The following ANK1 variants were observed in gnomAD, a reference collection of about 807,000 sequenced individuals.
The protein encoded by ANK1 is ankyrin 1, also known as ankyrin-1.
Under a neutral mutation model 210.4 loss-of-function variants are expected in ANK1, and 51 were observed. The observed-to-expected ratio is 0.24, with a 90% CI of 0.19 to 0.31. The LOEUF (loss-of-function observed/expected upper bound fraction) is 0.31, where lower values mean the gene tolerates loss of function less well. ANK1 is among the 10% of genes least tolerant of loss of function. ANK1 has a pLI of 1.00. For synonymous variants in ANK1, 967 were observed against 1,025.9 expected (o/e 0.94, Z 1.10); for missense variants, 2,051 against 2,504.4 (o/e 0.82, Z 3.86).
At chr8:41,673,038 G>T (rs965613503) in intron 37 of ANK1, 126 bp from the exon 38 acceptor site, 5 of 1,023,998 alleles carry the variant, frequency 4.9e-6, no homozygotes, top group Non-Finnish European at 7.2e-6. Context: ...ATGCACATTC[G>T]GGGTGGGTTG....
intron 39 of ANK1, chr8:41,665,525 T>C (rs1234549655): frequency 3.0e-6 from 1 of 334,490 alleles, no homozygotes; most frequent in Non-Finnish European, 5.9e-6. Context: ...CCAGGGAAAG[T>C]TTCTTACTTT....
chr8:41,748,313 G>C (rs940706364), intron 2 of ANK1, among the ~76,000 whole-genome samples: 1 of 152,238 alleles, frequency 6.6e-6, no homozygotes, highest in Admixed American at 6.5e-5. Flanking sequence ...GTGTGTTTTC[G>C]GGGTGCAGCT....
chr8:41,786,661 C>G (rs998112806), intron 1 of ANK1, among the ~76,000 whole-genome samples: 2 of 152,208 alleles, frequency 1.3e-5, no homozygotes, highest in Non-Finnish European at 2.9e-5. Context: ...CAGCACTCAC[C>G]ACCAGGCCCC....
chr8:41,845,575 T>TG (rs1231667130), intron 1 of ANK1, among the ~76,000 whole-genome samples: 8 of 151,620 alleles, frequency 5.3e-5, no homozygotes, highest in African/African-American at 7.3e-5. Context: ...GTCTGGGGCT[T>TG]GGGGGGGTCT....
chr8:41,703,590 C>T (rs1823685093), intron 20 of ANK1, among the ~76,000 whole-genome samples: 1 of 150,486 alleles, frequency 6.6e-6, no homozygotes, highest in African/African-American at 2.5e-5. Flanking sequence ...CTCAGGCTAT[C>T]CTCCCACTTC....
intron 1 of ANK1, among the ~76,000 whole-genome samples, chr8:41,844,341 G>A (rs983753785): frequency 3.3e-5 from 5 of 152,218 alleles, no homozygotes; most frequent in Non-Finnish European, 5.9e-5. Context: ...CGAATGGGTA[G>A]ATCCAGGTCA....
chr8:41,706,579 GC>G (rs1824645672), intron 17 of ANK1, among the ~76,000 whole-genome samples: 1 of 152,222 alleles, frequency 6.6e-6, no homozygotes, highest in African/African-American at 2.4e-5. Context: ...TGGCCCACGG[GC>G]CCATAGTTTG....
chr8:41,827,846 C>T (rs923509298), intron 1 of ANK1, among the ~76,000 whole-genome samples: 1 of 151,856 alleles, frequency 6.6e-6, no homozygotes, highest in African/African-American at 2.4e-5. Context: ...CATGCACACA[C>T]GCATACATAC....
At chr8:41,827,216 G>T (rs1026013138) in intron 1 of ANK1, among the ~76,000 whole-genome samples, 20 of 152,180 alleles carry the variant, frequency 1.3e-4, no homozygotes, top group Admixed American at 5.2e-4. Context: ...CTCAGACAAG[G>T]TTGCTGGGAG....
intron 1 of ANK1, among the ~76,000 whole-genome samples, chr8:41,831,657 AAGAAG>A (rs1806668329): frequency 3.7e-5 from 2 of 54,498 alleles, no homozygotes; most frequent in Admixed American, 1.6e-4. Flanking sequence ...AAAAAAAAAG[AAGAAG>A]AAAAAGAAAA....
At chr8:41,684,431 T>C in intron 37 of ANK1, 113 bp downstream of exon 37, 3 of 1,503,190 alleles carry the variant, frequency 2.0e-6, no homozygotes, top group Non-Finnish European at 2.7e-6. Flanking sequence ...CTCCCACCAA[T>C]GGGAGGCAGA....
At chr8:41,667,444 A>G (rs150955977) in intron 39 of ANK1, among the ~76,000 whole-genome samples, 3 of 152,336 alleles carry the variant, frequency 2.0e-5, no homozygotes, top group Non-Finnish European at 4.4e-5. Context: ...CATGTTTTAT[A>G]AGAACACAAA....
chr8:41,684,532 G>C lies in ANK1; in HGVS notation c.4537+12C>G. 1 of 1,613,520 alleles carries C rather than the reference G, an allele frequency of 6.2e-7. No individual in the cohort carries two copies. Among genetic ancestry groups the C allele is most frequent in the African/African-American group, 1.3e-5 (1 of 75,082 alleles). On this transcript the variant is annotated intron_variant, in intron 37 of 42. Transcript: ENST00000289734. ...TCCGGCTCAGTCCCCATCTGGTCCA[G>C]GTGACACTCACCATTCATCTGGGAG...
intron 15 of ANK1, 66 bp from the exon 16 acceptor site, chr8:41,714,320 T>A: frequency 8.0e-7 from 1 of 1,251,050 alleles, no homozygotes; most frequent in Admixed American, 2.4e-5. Flanking sequence ...GGACTCCCTT[T>A]AGGCATGGGA....
rs1041119946 is a variant in ANK1 at position 41,723,019 on chromosome 8, C to T, written c.909+106G>A. The T allele has an allele frequency of 1.9e-5, 19 of 992,684 alleles. No homozygotes were observed. In the East Asian group the frequency reaches 4.1e-4, roughly 21 times the overall value. The allele number at this position is 992,684 out of a possible 1,614,324, so 61.5% of individuals were successfully genotyped here. A position where few individuals can be genotyped will look rare whatever the true frequency, so the allele number is the denominator to read the frequency against. ...ATAAATGTCAAAGGTGCTATCTCAT[C>T]TAGTAGTATTAGCATCTCTGTTTTA... On this transcript the variant is annotated intron_variant, in intron 9 of 42. Transcript: ENST00000289734.
At position 41,822,089 on chromosome 8, in the gene ANK1, AGAGAGAGAGAGAGAGAGAGAGAG is replaced by A. The variant is rs1804409089; in HGVS notation, c.127-63975_127-63953del. On this transcript the variant is annotated intron_variant, in intron 1 of 42. Transcript: ENST00000265709. ...AAGAGAGAGAGAGAGAGAGAGAGAG[AGAGAGAGAGAGAGAGAGAGAGAG>A]AGAAAGAAAGAGAAAGAAAGAGAAA... 3.3e-4 allele frequency among the ~76,000 whole-genome samples: 23 copies of A among 70,736 alleles called. No homozygotes were observed. The South Asian group carries it at 4.1e-3, about 13-fold the overall frequency. 46.4% of individuals were successfully genotyped at this position (70,736 alleles called of 152,430 possible).
At chr8:41,888,589 A>C (rs1442447824) in intron 1 of ANK1, among the ~76,000 whole-genome samples, 3 of 152,226 alleles carry the variant, frequency 2.0e-5, no homozygotes, top group Non-Finnish European at 2.9e-5. Flanking sequence ...TAACAGGAAA[A>C]ACAGACAATC....
intron 1 of ANK1, among the ~76,000 whole-genome samples, chr8:41,807,251 C>T (rs1851102781): frequency 6.6e-6 from 1 of 152,184 alleles, no homozygotes; most frequent in Non-Finnish European, 1.5e-5. Context: ...CCCCATGTTA[C>T]TCATCAGATG....
At chr8:41,765,615 G>A (rs1357407623) in intron 1 of ANK1, among the ~76,000 whole-genome samples, 2 of 152,136 alleles carry the variant, frequency 1.3e-5, no homozygotes, top group African/African-American at 4.8e-5. Flanking sequence ...TTCTGCCTGG[G>A]TTTGGAGGCT....
Sources: allele counts gnomAD v4.1 joint callset (sites outside exome capture counted in the v4.1 genomes callset), GRCh38; gene constraint gnomAD v4.1.1; transcripts MANE v1.5; gene names NCBI Gene and HGNC (gene_info 2026-07-23, HGNC 2026-07-21).